Variants in FAT2 observed in about 807,000 individuals in gnomAD.
FAT2 encodes protocadherin Fat 2.
A neutral mutation model predicts 295.3 loss-of-function variants in FAT2; 150 were observed. The ratio of observed to expected loss-of-function variants is 0.51; its 90% CI spans 0.44 to 0.58. The LOEUF (loss-of-function observed/expected upper bound fraction) is 0.58. Among genes scored for constraint, FAT2 ranks in the 20% least tolerant of loss-of-function variants. The pLI, the probability that FAT2 is intolerant of heterozygous loss-of-function variation, is 0.00. For missense variants in FAT2, 4,868 were observed against 5,442.7 expected (o/e 0.89, Z 3.32); for synonymous variants, 2,026 against 2,150.3 (o/e 0.94, Z 1.60).
chr5:151,559,092 G>T (rs1356696125), intron 3 of FAT2, among the ~76,000 whole-genome samples: 1 of 152,244 alleles, frequency 6.6e-6, no homozygotes, highest in African/African-American at 2.4e-5. Flanking sequence ...GTTTCCCTGG[G>T]GGGCTCAGTG....
chr5:151,542,087 C>G (rs1756206218), intron 10 of FAT2, among the ~76,000 whole-genome samples, 198 bp downstream of exon 10: 1 of 152,148 alleles, frequency 6.6e-6, no homozygotes, highest in African/African-American at 2.4e-5. Flanking sequence ...CAGATCTTAC[C>G]AGCATGCCTG....
chr5:151,541,964 C>G (rs1384007008), intron 10 of FAT2, among the ~76,000 whole-genome samples: 1 of 152,194 alleles, frequency 6.6e-6, no homozygotes, highest in East Asian at 1.9e-4. Context: ...TTCTTGGTGC[C>G]TCCTCCATCT....
chr5:151,548,350 A>C (rs1426698156), intron 9 of FAT2, among the ~76,000 whole-genome samples: 3 of 151,974 alleles, frequency 2.0e-5, no homozygotes, highest in Non-Finnish European at 4.4e-5. Flanking sequence ...ATTATTACAA[A>C]TTATCATTAA....
chr5:151,541,678 C>T (rs2127604227), intron 10 of FAT2, among the ~76,000 whole-genome samples: 1 of 152,350 alleles, frequency 6.6e-6, no homozygotes, highest in East Asian at 1.9e-4. Context: ...TTTAGTTTTA[C>T]AGTAGGTATC....
intron 23 of FAT2, among the ~76,000 whole-genome samples, chr5:151,506,450 A>G (rs1760880916): frequency 1.3e-5 from 2 of 150,180 alleles, no homozygotes; most frequent in African/African-American, 4.8e-5. Flanking sequence ...TAACTGAAGG[A>G]AACACACACA....
Position 151,506,084 on chromosome 5 carries a change from T to G in FAT2, c.12531A>C (p.Gly4177=). 1 of 1,520,034 alleles carries G rather than the reference T, an allele frequency of 6.6e-7. No homozygotes were observed. The highest frequency in any genetic ancestry group is 8.7e-7 in the Non-Finnish European group (1 of 1,143,400). The allele number at this position is 1,520,034 out of a possible 1,614,324, so 94.2% of individuals were successfully genotyped here. ...WSSEEMVYPG[G]AMVWPPTYSR... The stretch of plus-strand genomic sequence containing the variant: ...AGTAAGTAGGGGGCCAGACCATGGC[T>G]CCGCCAGGGTACACTGAAAGGGAAC... The change falls in exon 24 of 24, where the codon GGA becomes GGC. Residue 4177 remains glycine (G), a synonymous_variant. Transcript: ENST00000261800.
rs1318951836 is a variant in FAT2 at position 151,504,691 on chromosome 5, T to G, written c.*874A>C. ...AAGGTCAAAAAGTGCCTAAGAATTT[T>G]TAAAATGAAGAATTAGTTCCTTCCT... On this transcript the variant is annotated 3_prime_UTR_variant, in exon 24 of 24. Coordinates refer to ENST00000261800, the MANE Select transcript of FAT2 (RefSeq NM_001447.3). 1 of 152,662 alleles carries G rather than the reference T, an allele frequency of 6.6e-6. No homozygotes were observed. The highest frequency in any genetic ancestry group is 2.4e-5 in the African/African-American group (1 of 41,462). The allele number at this position is 152,662 out of a possible 1,614,324, so 9.5% of individuals were successfully genotyped here.
intron 1 of FAT2, among the ~76,000 whole-genome samples, chr5:151,577,890 G>A (rs200613269): frequency 1.3e-5 from 2 of 152,276 alleles, no homozygotes; most frequent in East Asian, 3.9e-4. Flanking sequence ...AGAACTGGAG[G>A]GCCTGGGGTG....
chr5:151,575,233 T>C (rs1758699033), intron 1 of FAT2, among the ~76,000 whole-genome samples: 2 of 152,272 alleles, frequency 1.3e-5, no homozygotes, highest in Non-Finnish European at 2.9e-5. Context: ...TATTTATTAG[T>C]ATTCTTTTTA....
intron 18 of FAT2, 24 bp downstream of exon 18, chr5:151,525,744 C>T (rs879178179): frequency 5.0e-6 from 8 of 1,613,838 alleles, no homozygotes; most frequent in South Asian, 3.3e-5. Flanking sequence ...ATGGTCACCA[C>T]CAGAAGCCTA....
rs1313746395 is a variant in FAT2, at chr5:151,568,899, G to A, written c.33C>T (p.Phe11=). Residue 11 remains phenylalanine, a synonymous_variant, in exon 2 of 24, where the codon TTC becomes TTT. Transcript: ENST00000261800. MTIALLGFAI[F]LLHCATCEKP... Reference sequence around the variant, plus strand: ...TCTCACAGGTCGCACAATGGAGCAAGAATATGGCAAAACCCAGCAGGGCAA... The same window carrying A: ...TCTCACAGGTCGCACAATGGAGCAAAAATATGGCAAAACCCAGCAGGGCAA... 1.2e-6 allele frequency: 2 copies of A among 1,612,630 alleles called. No homozygotes were observed. The highest frequency in any genetic ancestry group is 3.3e-5 in the Admixed American group (2 of 59,784).
At chr5:151,551,943 T>A (rs144095127) in intron 6 of FAT2, among the ~76,000 whole-genome samples, 1 of 151,960 alleles carries the variant, frequency 6.6e-6, no homozygotes, top group Non-Finnish European at 1.5e-5. Context: ...CATTTAAAAA[T>A]ATTATAAAAC....
chr5:151,552,590 A>G lies in FAT2; in HGVS notation c.4156+587T>C, dbSNP rs116052187. 9.4e-3 allele frequency among the ~76,000 whole-genome samples: 1,426 copies of G among 152,306 alleles called. 19 individuals are homozygous for G. Among genetic ancestry groups the G allele is most frequent in the African/African-American group, 0.033 (1,371 of 41,568 alleles). ...ACATTTGTGTGTGTTTGTGCACACA[A>G]CTTTCTGGGAAGAGGACCTAAGCGT... On this transcript the variant is annotated intron_variant, in intron 6 of 23. Transcript: ENST00000261800.
chr5:151,509,035 A>G (rs2127566672), intron 22 of FAT2, among the ~76,000 whole-genome samples: 1 of 152,200 alleles, frequency 6.6e-6, no homozygotes, highest in South Asian at 2.1e-4. Flanking sequence ...TCTCTCTAGG[A>G]TTCTAGGAAT....
chr5:151,594,520 G>A (rs115246145), upstream of FAT2, among the ~76,000 whole-genome samples: 813 of 152,310 alleles, frequency 5.3e-3, 7 homozygotes, highest in African/African-American at 0.019. Flanking sequence ...TTTCAATAAC[G>A]GAGGTGTTGA....
chr5:151,530,398 C>T (rs781315603), intron 14 of FAT2, among the ~76,000 whole-genome samples: 1 of 152,134 alleles, frequency 6.6e-6, no homozygotes, highest in Non-Finnish European at 1.5e-5. Context: ...CTAGGAAATA[C>T]AAGGACCTGA....
chr5:151,551,685 G>A, intron 6 of FAT2, 79 bp from the exon 7 acceptor site: 3 of 1,497,350 alleles, frequency 2.0e-6, no homozygotes, highest in Non-Finnish European at 1.8e-6. Context: ...TTGGTTGTCA[G>A]GCTCAGAGGA....
chr5:151,554,530 G>A lies in FAT2; in HGVS notation c.3777C>T (p.Ser1259=), dbSNP rs982469766. Residue 1259 remains serine (S), a synonymous_variant, in exon 5 of 24, where the codon TCC becomes TCT. Transcript: ENST00000261800. ...VRLPERLSPV[S]PGPVYRLVAS... is the part of the protein sequence containing the mutation. ...CCACCAGCCTGTACACAGGCCCAGG[G>A]GACACAGGGCTCAGCCTCTCTGGAA... 1.9e-6 allele frequency: 3 copies of A among 1,614,068 alleles called. No homozygotes were observed. The highest frequency in any genetic ancestry group is 2.5e-6 in the Non-Finnish European group (3 of 1,180,052).
chr5:151,507,677 A>C (rs1761003226), intron 22 of FAT2, 66 bp from the exon 23 acceptor site: 1 of 1,415,902 alleles, frequency 7.1e-7, no homozygotes, highest in Non-Finnish European at 9.5e-7. Context: ...CCTCTTACAG[A>C]GATCTATGGG....
Sources: allele counts gnomAD v4.1 joint callset (sites outside exome capture counted in the v4.1 genomes callset), GRCh38; gene constraint gnomAD v4.1.1; transcripts MANE v1.5; gene names NCBI Gene and HGNC (gene_info 2026-07-23, HGNC 2026-07-21).